CHD5: variants seen among roughly 807,000 people sequenced by gnomAD.
The protein encoded by CHD5 is chromodomain helicase DNA binding protein 5, also known as ATP-dependent chromatin remodeler CHD5.
Under a neutral mutation model 230.3 loss-of-function variants are expected in CHD5, and 69 were observed. That is an observed-to-expected ratio of 0.30 (90% CI 0.25 to 0.37). CHD5 has a LOEUF of 0.37. CHD5 is among the 10% of genes least tolerant of loss of function. The pLI, the probability that CHD5 is intolerant of heterozygous loss-of-function variation, is 1.00. For synonymous variants in CHD5, 1,064 were observed against 1,065.9 expected (o/e 1.00, Z 0.03); for missense variants, 1,827 against 2,622.8 (o/e 0.70, Z 6.63).
rs1217883638 is a variant in CHD5 at position 6,128,671 on chromosome 1, A to C, written c.3620-62T>G. Reference sequence around the variant, plus strand: ...ACAGAGGGCTGCAGGGTTGGCGGGCAGTGCCCAGAGACACCACCCTGGGCT... The same window carrying C: ...ACAGAGGGCTGCAGGGTTGGCGGGCCGTGCCCAGAGACACCACCCTGGGCT... On this transcript the variant is annotated intron_variant, in intron 23 of 41. Coordinates refer to ENST00000262450, the MANE Select transcript of CHD5 (RefSeq NM_015557.3). This position sits in a 1 kb window ranked among gnomAD's most constrained non-coding sequence, Gnocchi z 7.8. 2.8e-6 allele frequency: 4 copies of C among 1,425,016 alleles called. No homozygotes were observed. In the African/African-American group the frequency reaches 5.6e-5, roughly 20 times the overall value. The allele number at this position is 1,425,016 out of a possible 1,614,324, so 88.3% of individuals were successfully genotyped here.
chr1:6,128,170 G>T lies in CHD5; in HGVS notation c.3779C>A (p.Ala1260Glu). 6.2e-7 allele frequency: 1 copy of T among 1,614,116 alleles called. No homozygotes were observed. The highest frequency in any genetic ancestry group is 8.5e-7 in the Non-Finnish European group (1 of 1,179,998). The change falls in exon 25 of 42, where the codon GCG (alanine) becomes GAG (glutamate). Residue 1260 changes from alanine to glutamate, a missense_variant. Ala to Glu is a moderately radical substitution (Grantham distance 107). Transcript: ENST00000262450. This position sits in a 1 kb window ranked among gnomAD's most constrained non-coding sequence, Gnocchi z 7.8. ...CCGGTCCAGCAGCTTGGAGATGGCCGCATCGTCATAGTGGATCACACTGCT... is the reference window on the plus strand; with the variant it reads ...CCGGTCCAGCAGCTTGGAGATGGCCTCATCGTCATAGTGGATCACACTGCT... ...EDSSVIHYDD[A>E]AISKLLDRNQ...
In CHD5 at chr1:6,130,725, G is replaced by A. The variant is rs1666641496; in HGVS notation, c.3263-397C>T. Among the ~76,000 whole-genome samples, 1 of 152,216 alleles carries A rather than the reference G, an allele frequency of 6.6e-6. No individual in the cohort carries two copies. Among genetic ancestry groups the A allele is most frequent in the Non-Finnish European group, 1.5e-5 (1 of 68,032 alleles). On this transcript the variant is annotated intron_variant, in intron 21 of 41. Coordinates refer to ENST00000262450, the MANE Select transcript of CHD5 (RefSeq NM_015557.3). The surrounding 1 kb of genome is among the most constrained non-coding windows in gnomAD (Gnocchi z 4.9). ...TTAGCCCACCGATGCTGCCAGGGCA[G>A]CCCGGGAAAACTCAGGGGCGCAGCT...
chr1:6,177,738 C>T (rs1325990134), intron 1 of CHD5, among the ~76,000 whole-genome samples: 1 of 152,166 alleles, frequency 6.6e-6, no homozygotes, highest in Non-Finnish European at 1.5e-5. Context: ...CAGGAGGCAG[C>T]GGTGAGCAGA....
chr1:6,157,578 C>T (rs1212395529), intron 3 of CHD5, among the ~76,000 whole-genome samples: 3 of 152,220 alleles, frequency 2.0e-5, no homozygotes, highest in African/African-American at 7.2e-5. Flanking sequence ...TGAGCGTCTC[C>T]CAGCACTGAG....
chr1:6,154,337 G>A lies in CHD5; in HGVS notation c.745+323C>T, dbSNP rs911761936. The stretch of plus-strand genomic sequence containing the variant: ...CCAGGCTGGAGCGGCTCCACTCTGC[G>A]TACCTCTGGTCCCGCCCTCCCTCCA... On this transcript the variant is annotated intron_variant, in intron 5 of 41. Transcript: ENST00000262450. This position sits in a 1 kb window ranked among gnomAD's most constrained non-coding sequence, Gnocchi z 7.0. Among the ~76,000 whole-genome samples, 4 of 152,162 alleles carry A rather than the reference G, an allele frequency of 2.6e-5. No homozygotes were observed. Among genetic ancestry groups the A allele is most frequent in the African/African-American group, 7.2e-5 (3 of 41,438 alleles).
At chr1:6,123,692 T>C (rs1571145267) in intron 31 of CHD5, among the ~76,000 whole-genome samples, 2 of 49,338 alleles carry the variant, frequency 4.1e-5, no homozygotes, top group African/African-American at 8.5e-5. Flanking sequence ...CCTCCTAAAG[T>C]GCTGTGATTA....
At chr1:6,136,039 A>C (rs528842523) in intron 17 of CHD5, among the ~76,000 whole-genome samples, 11 of 53,038 alleles carry the variant, frequency 2.1e-4, no homozygotes, top group African/African-American at 5.4e-4. Context: ...AAAAAAAAAA[A>C]CACTGCATCT....
At position 6,106,805 on chromosome 1, in the gene CHD5, A is replaced by G. The variant is rs748586482; in HGVS notation, c.5579-26T>C. On this transcript the variant is annotated intron_variant, in intron 38 of 41. Transcript: ENST00000262450. ...CTGTGGTGGGAGGCGGAGGGATGGT[A>G]GGATGCAGGGATGGAGGGGTGGAGG... 79 of 1,340,844 alleles carry G rather than the reference A, an allele frequency of 5.9e-5. 1 individual carries two copies. The highest frequency in any genetic ancestry group is 1.6e-4 in the Admixed American group (8 of 49,994). The allele number at this position is 1,340,844 out of a possible 1,614,324, so 83.1% of individuals were successfully genotyped here.
Position 6,142,002 on chromosome 1 carries a change from C to T in CHD5, c.2436+126G>A. ...GTAACTCAGCCTCTAGGACAAGCCC[C>T]TCAGAGCCTGCCGGCCTCGGTAGCC... On this transcript the variant is annotated intron_variant, in intron 15 of 41. Coordinates refer to ENST00000262450, the MANE Select transcript of CHD5 (RefSeq NM_015557.3). This position sits in a 1 kb window ranked among gnomAD's most constrained non-coding sequence, Gnocchi z 5.2. The T allele has an allele frequency of 1.2e-6, 1 of 812,682 alleles. No individual in the cohort carries two copies. The highest frequency in any genetic ancestry group is 2.1e-5 in the Admixed American group (1 of 48,516). The allele number at this position is 812,682 out of a possible 1,614,324, so 50.3% of individuals were successfully genotyped here.
Position 6,142,692 on chromosome 1 carries a change from T to A in CHD5, c.2044-87A>T, listed in dbSNP as rs145518348. On this transcript the variant is annotated intron_variant, in intron 13 of 41. Coordinates refer to ENST00000262450, the MANE Select transcript of CHD5 (RefSeq NM_015557.3). The surrounding 1 kb of genome is among the most constrained non-coding windows in gnomAD (Gnocchi z 5.2). ...AGGCCTTTGCACATGCAATTCCTTC[T>A]GCCTGGAACACTCTTCCCACTCCTG... The A allele has an allele frequency of 2.0e-4, 266 of 1,360,142 alleles. 1 individual carries two copies. The African/African-American group carries it at 3.5e-3, about 18-fold the overall frequency. The allele number at this position is 1,360,142 out of a possible 1,614,324, so 84.3% of individuals were successfully genotyped here.
chr1:6,172,646 C>A (rs1441997752), intron 1 of CHD5, among the ~76,000 whole-genome samples: 1 of 152,144 alleles, frequency 6.6e-6, no homozygotes, highest in African/African-American at 2.4e-5. Context: ...GTCTCTCCCC[C>A]AGCACCCTCC....
chr1:6,148,531 A>G (rs2100862636), intron 9 of CHD5, among the ~76,000 whole-genome samples: 1 of 152,352 alleles, frequency 6.6e-6, no homozygotes, highest in African/African-American at 2.4e-5. Flanking sequence ...GTTAAAGGAC[A>G]CTATGATGGA....
chr1:6,155,259 G>C lies in CHD5; in HGVS notation c.506+340C>G, dbSNP rs1413425687. 1.3e-5 allele frequency among the ~76,000 whole-genome samples: 2 copies of C among 152,150 alleles called. No individual in the cohort carries two copies. The highest frequency in any genetic ancestry group is 2.4e-5 in the African/African-American group (1 of 41,410). ...GTTTTCAGGCCCTGCAAGACTTGTG[G>C]GGCCACAGGTGGGCTACAGTGGGCC... is the stretch of plus-strand genomic sequence containing the variant. On this transcript the variant is annotated intron_variant, in intron 4 of 41. Transcript: ENST00000262450. This position sits in a 1 kb window ranked among gnomAD's most constrained non-coding sequence, Gnocchi z 4.0.
At position 6,155,565 on chromosome 1, in the gene CHD5, C is replaced by T. The variant is rs117508034; in HGVS notation, c.506+34G>A. On this transcript the variant is annotated intron_variant, in intron 4 of 41. Coordinates refer to ENST00000262450, the MANE Select transcript of CHD5 (RefSeq NM_015557.3). The surrounding 1 kb of genome is among the most constrained non-coding windows in gnomAD (Gnocchi z 4.0). Reference sequence around the variant, plus strand: ...CGACTTGGTACCACCAGAGGATGTGCGGGCCTGGAGAACAGCCCTAGTGCC... The same window carrying T: ...CGACTTGGTACCACCAGAGGATGTGTGGGCCTGGAGAACAGCCCTAGTGCC... The T allele has an allele frequency of 5.4e-4, 831 of 1,540,424 alleles. 11 individuals carry two copies. In the East Asian group the frequency reaches 0.016, roughly 30 times the overall value.
chr1:6,154,280 T>C lies in CHD5; in HGVS notation c.745+380A>G, dbSNP rs532007394. Among the ~76,000 whole-genome samples, 14 of 152,052 alleles carry C rather than the reference T, an allele frequency of 9.2e-5. No homozygotes were observed. Among genetic ancestry groups the C allele is most frequent in the African/African-American group, 3.1e-4 (13 of 41,456 alleles). On this transcript the variant is annotated intron_variant, in intron 5 of 41. Transcript: ENST00000262450. This position sits in a 1 kb window ranked among gnomAD's most constrained non-coding sequence, Gnocchi z 7.0. Reference sequence around the variant, plus strand: ...CCTCCTCCCCAGAAACGGCACAGGCTCAAACCCAAGAGCCTGCCAACTCCC... The same window carrying C: ...CCTCCTCCCCAGAAACGGCACAGGCCCAAACCCAAGAGCCTGCCAACTCCC...
rs781242719 is a variant in CHD5 at position 6,121,598 on chromosome 1, A to T, written c.4700-25T>A. Reference sequence around the variant, plus strand: ...TCTGAAAGATCAAGGGAAAGAGCTGAGACAGGTGGGCTCAGACGGGAAGGA... The same window carrying T: ...TCTGAAAGATCAAGGGAAAGAGCTGTGACAGGTGGGCTCAGACGGGAAGGA... On this transcript the variant is annotated intron_variant, in intron 31 of 41. Transcript: ENST00000262450. The surrounding 1 kb of genome is among the most constrained non-coding windows in gnomAD (Gnocchi z 4.5). The T allele has an allele frequency of 3.0e-5, 48 of 1,585,688 alleles. No individual in the cohort carries two copies. The Admixed American group carries it at 7.1e-4, about 24-fold the overall frequency.
intron 9 of CHD5, 137 bp downstream of exon 9, chr1:6,148,717 T>C: frequency 1.6e-6 from 1 of 613,324 alleles, no homozygotes; most frequent in Non-Finnish European, 2.6e-6. Flanking sequence ...GGGCGAAGCT[T>C]TGCGGGATCG....
intron 2 of CHD5, among the ~76,000 whole-genome samples, chr1:6,159,782 C>G (rs1667138008): frequency 6.6e-6 from 1 of 152,252 alleles, no homozygotes; most frequent in African/African-American, 2.4e-5. Context: ...CGAGGTGAGG[C>G]TCTCGTGAGA....
chr1:6,102,534 A>G lies in CHD5; in HGVS notation c.*2940T>C, dbSNP rs1666082249. 6.6e-6 allele frequency: 1 copy of G among 152,292 alleles called. No individual in the cohort carries two copies. Among genetic ancestry groups the G allele is most frequent in the African/African-American group, 2.4e-5 (1 of 41,430 alleles). 9.4% of individuals were successfully genotyped at this position (152,292 alleles called of 1,614,324 possible). On this transcript the variant is annotated 3_prime_UTR_variant, in exon 42 of 42. Transcript: ENST00000262450. ...GGCTCCAAGTGACCGACACTTGACC[A>G]AGTCCATCTGGCTTCTGGCTCCCAT...
Sources: gnomAD v4.1 joint callset for allele counts (sites outside exome capture counted in the v4.1 genomes callset) on GRCh38, gnomAD v4.1.1 for gene constraint, Gnocchi (gnomAD v3.1) non-coding constraint, MANE v1.5 for transcripts, NCBI Gene and HGNC (gene_info 2026-07-23, HGNC 2026-07-21) for gene names.